IL3RA: variants seen among roughly 807,000 people sequenced by gnomAD.
IL3RA encodes interleukin-3 receptor subunit alpha.
Under a neutral mutation model 52.3 loss-of-function variants are expected in IL3RA, and 73 were observed. The observed-to-expected ratio is 1.40, with a 90% CI of 1.16 to 1.70. The LOEUF is 1.70. IL3RA is among the 40% of genes most tolerant of loss of function. The pLI is 0.00. For missense variants in IL3RA, 664 were observed against 504.4 expected (o/e 1.32, Z -3.03); for synonymous variants, 260 against 194.0 (o/e 1.34, Z -2.83).
chrX:1,346,295 T>C (rs17883233), intron 3 of IL3RA, among the ~76,000 whole-genome samples: 41,281 of 151,558 alleles, frequency 0.27, 6,335 homozygotes, highest in African/African-American at 0.39. Context: ...AAAAATTAGC[T>C]GGGCATGGTG....
At chrX:1,381,235 C>A in intron 11 of IL3RA, 131 bp downstream of exon 11, 2 of 796,898 alleles carry the variant, frequency 2.5e-6, no homozygotes, top group Non-Finnish European at 4.3e-6. Flanking sequence ...TCCGTGTCTA[C>A]TAAAAATACA....
chrX:1,349,399 C>T (rs1266694088), intron 4 of IL3RA, among the ~76,000 whole-genome samples: 4 of 151,952 alleles, frequency 2.6e-5, no homozygotes, highest in Non-Finnish European at 5.9e-5. Context: ...TCAGGCTGGT[C>T]TCAAACTCCT....
intron 4 of IL3RA, 61 bp downstream of exon 4, chrX:1,348,606 C>CCTTTT: frequency 8.6e-7 from 1 of 1,168,162 alleles, no homozygotes; most frequent in Non-Finnish European, 1.3e-6. Flanking sequence ...CTCTCTCCCT[C>CCTTTT]CCTCTCGCCT....
At chrX:1,337,195 G>T (rs1419906687) in intron 1 of IL3RA, among the ~76,000 whole-genome samples, 1 of 152,236 alleles carries the variant, frequency 6.6e-6, no homozygotes, top group Non-Finnish European at 1.5e-5. Flanking sequence ...TTATAAAGGT[G>T]ATAGCATTAG....
intron 9 of IL3RA, among the ~76,000 whole-genome samples, chrX:1,366,747 G>A (rs1183312825): frequency 7.7e-4 from 7 of 9,108 alleles, no homozygotes; most frequent in Non-Finnish European, 1.0e-3. Context: ...CGGGGTGCGC[G>A]GCGTGAGCCG....
chrX:1,363,411 C>T (rs2087630461), intron 8 of IL3RA, among the ~76,000 whole-genome samples: 1 of 151,892 alleles, frequency 6.6e-6, no homozygotes, highest in Non-Finnish European at 1.5e-5. Flanking sequence ...CGCCACTCTC[C>T]TGCCTCAGCC....
chrX:1,354,046 C>T (rs2086409861), intron 6 of IL3RA, among the ~76,000 whole-genome samples: 3 of 134,562 alleles, frequency 2.2e-5, no homozygotes, highest in South Asian at 2.5e-4. Flanking sequence ...TCATCATGGG[C>T]CATGGGTCCC....
intron 2 of IL3RA, among the ~76,000 whole-genome samples, chrX:1,345,042 GCCTGTAGTC>G (rs1416015793): frequency 2.0e-5 from 3 of 148,502 alleles, no homozygotes; most frequent in African/African-American, 7.5e-5. Flanking sequence ...GGTGGCGGGC[GCCTGTAGTC>G]CCAGCTACTC....
Position 1,352,202 on chromosome X carries a change from T to A in IL3RA, c.401T>A (p.Val134Asp). The change falls in exon 5 of 12, where the codon GTC becomes GAC. Residue 134 changes from valine to aspartate, a missense_variant. Transcript: ENST00000331035. ...GTAGGCCCGGGGGCCCCCGCGGACG[T>A]CCAGTACGACCTGTACTTGAACGTT... Reference protein sequence around the residue: ...WAVGPGAPADVQYDLYLNVAN... With the variant: ...WAVGPGAPADDQYDLYLNVAN... 1 of 1,613,730 alleles carries A rather than the reference T, an allele frequency of 6.2e-7. No individual in the cohort carries two copies. Among genetic ancestry groups the A allele is most frequent in the South Asian group, 1.1e-5 (1 of 91,082 alleles).
intron 2 of IL3RA, among the ~76,000 whole-genome samples, chrX:1,344,790 T>A (rs1251300852): frequency 6.6e-5 from 10 of 150,604 alleles, no homozygotes; most frequent in African/African-American, 9.8e-5. Flanking sequence ...ATAAAAAATT[T>A]AAAAAAATAA....
chrX:1,357,248 G>A (rs1303579309), intron 7 of IL3RA, among the ~76,000 whole-genome samples: 3 of 150,460 alleles, frequency 2.0e-5, no homozygotes, highest in East Asian at 2.0e-4. Context: ...GCCTTCGTGC[G>A]CAGCCTATGT....
intron 2 of IL3RA, among the ~76,000 whole-genome samples, chrX:1,343,678 A>AAAAT (rs1569519442): frequency 0.029 from 4,360 of 150,406 alleles, 250 homozygotes; most frequent in African/African-American, 0.1. Flanking sequence ...AAAAAAAAAA[A>AAAAT]AAAAAAAGAA....
chrX:1,349,578 C>T (rs775382864), intron 4 of IL3RA, among the ~76,000 whole-genome samples: 5 of 152,250 alleles, frequency 3.3e-5, no homozygotes, highest in Admixed American at 1.3e-4. Context: ...TCCCAAAGTG[C>T]AGGGATTGTA....
At chrX:1,374,091 C>G (rs2088638957) in intron 9 of IL3RA, among the ~76,000 whole-genome samples, 1 of 58,302 alleles carries the variant, frequency 1.7e-5, no homozygotes, top group Non-Finnish European at 2.8e-5. Flanking sequence ...AAGACGGCGT[C>G]TCCAAGCCCA....
intron 8 of IL3RA, among the ~76,000 whole-genome samples, chrX:1,359,757 T>C (rs2087038333): frequency 6.7e-6 from 1 of 149,246 alleles, no homozygotes; most frequent in Admixed American, 6.7e-5. Flanking sequence ...TCTGTGTCTC[T>C]GTCTCTCCCT....
chrX:1,358,529 C>T (rs1338496148), intron 7 of IL3RA, among the ~76,000 whole-genome samples: 9 of 151,948 alleles, frequency 5.9e-5, no homozygotes, highest in Non-Finnish European at 8.8e-5. Context: ...CGTGGTGGCA[C>T]GCACCTGTAG....
chrX:1,361,487 C>T (rs866921114), intron 8 of IL3RA, among the ~76,000 whole-genome samples: 13 of 152,266 alleles, frequency 8.5e-5, no homozygotes, highest in Middle Eastern at 3.4e-3. Flanking sequence ...CGCAGTGACT[C>T]ATGCCTGTAA....
chrX:1,381,050 C>T lies in IL3RA; in HGVS notation c.1008C>T (p.Pro336=). Residue 336 remains proline, a synonymous_variant, in exon 11 of 12, where the codon CCC becomes CCT. Coordinates refer to ENST00000331035, the MANE Select transcript of IL3RA (RefSeq NM_002183.4). ...RRYLVMQRLF[P]RIPHMKDPIG... ...ATCTGGTGATGCAGAGACTCTTTCC[C>T]CGCATCCCTCACATGAAAGACCCCA... 6.2e-7 allele frequency: 1 copy of T among 1,613,884 alleles called. No homozygotes were observed. Among genetic ancestry groups the T allele is most frequent in the Non-Finnish European group, 8.5e-7 (1 of 1,179,828 alleles).
rs544389476 is a variant in IL3RA, at chrX:1,380,836, G to T, written c.981-187G>T. Among the ~76,000 whole-genome samples the T allele has an allele frequency of 4.0e-5, 6 of 151,812 alleles. No individual in the cohort carries two copies. The East Asian group carries it at 5.8e-4, about 15-fold the overall frequency. On this transcript the variant is annotated intron_variant, in intron 10 of 11. Coordinates refer to ENST00000331035, the MANE Select transcript of IL3RA (RefSeq NM_002183.4). ...GCCCTACTCCTTTAATTAGACACCA[G>T]CGCCTGCCTATGATGATGGTCGGGG... is the stretch of plus-strand genomic sequence containing the variant.
Sources: allele counts gnomAD v4.1 joint callset (sites outside exome capture counted in the v4.1 genomes callset), GRCh38; gene constraint gnomAD v4.1.1; transcripts MANE v1.5; gene names NCBI Gene and HGNC (gene_info 2026-07-23, HGNC 2026-07-21).